Variants in USP32 observed in about 807,000 individuals in gnomAD.
USP32 encodes the protein ubiquitin specific peptidase 32.
A neutral mutation model predicts 204.8 loss-of-function variants in USP32; 59 were observed. That is an observed-to-expected ratio of 0.29 (90% CI 0.23 to 0.36). The LOEUF is 0.36. Among genes scored for constraint, USP32 ranks in the 10% least tolerant of loss-of-function variants. USP32 has a pLI of 1.00. For synonymous variants in USP32, 517 were observed against 678.4 expected (o/e 0.76, Z 3.70); for missense variants, 1,160 against 1,946.4 (o/e 0.60, Z 7.60).
intron 1 of USP32, among the ~76,000 whole-genome samples, chr17:60,351,375 T>G (rs2088942413): frequency 1.3e-5 from 2 of 152,088 alleles, no homozygotes. Context: ...CTAGCTATTT[T>G]TAATTTGTAC....
chr17:60,223,121 A>G (rs987411783), intron 14 of USP32, among the ~76,000 whole-genome samples: 2 of 152,226 alleles, frequency 1.3e-5, no homozygotes, highest in Non-Finnish European at 2.9e-5. Flanking sequence ...CAAACAATAA[A>G]AAATACTAGT....
intron 7 of USP32, among the ~76,000 whole-genome samples, chr17:60,266,329 T>A (rs1258108092): frequency 1.3e-5 from 2 of 152,184 alleles, no homozygotes; most frequent in Non-Finnish European, 2.9e-5. Context: ...GACCCTACCC[T>A]TCAGCCAAAT....
chr17:60,354,344 A>G (rs1446926504), intron 1 of USP32, among the ~76,000 whole-genome samples: 1 of 152,164 alleles, frequency 6.6e-6, no homozygotes, highest in Non-Finnish European at 1.5e-5. Context: ...CTGTTATAGG[A>G]TAGGAGTTTC....
In USP32 at chr17:60,235,405, A is replaced by T. The variant is rs1026527510; in HGVS notation, c.1239+733T>A. 2.6e-5 allele frequency among the ~76,000 whole-genome samples: 4 copies of T among 152,340 alleles called. No individual in the cohort carries two copies. In the South Asian group the frequency reaches 8.3e-4, roughly 32 times the overall value. On this transcript the variant is annotated intron_variant, in intron 12 of 33. Coordinates refer to ENST00000300896, the MANE Select transcript of USP32 (RefSeq NM_032582.4). The stretch of plus-strand genomic sequence containing the variant: ...ATTAATATATTTTACATGTGAAAAC[A>T]CATTAATAAACTCTGCAAAATGGAA...
At chr17:60,348,047 G>A (rs867925043) in intron 1 of USP32, among the ~76,000 whole-genome samples, 1 of 151,764 alleles carries the variant, frequency 6.6e-6, no homozygotes, top group Non-Finnish European at 1.5e-5. Flanking sequence ...GCGTGAACTC[G>A]GGAGGCGGAG....
At chr17:60,187,846 C>T (rs568931192) in intron 29 of USP32, among the ~76,000 whole-genome samples, 3 of 152,112 alleles carry the variant, frequency 2.0e-5, no homozygotes, top group Non-Finnish European at 4.4e-5. Flanking sequence ...TATAGGCACC[C>T]TCTTCTTTTT....
chr17:60,396,069 CTTTTTTTT>C (rs936063243), upstream of USP32, among the ~76,000 whole-genome samples: 4 of 74,922 alleles, frequency 5.3e-5, no homozygotes, highest in East Asian at 3.9e-4. Flanking sequence ...GCACTTGAAG[CTTTTTTTT>C]TTTTTTTTTT....
intron 9 of USP32, among the ~76,000 whole-genome samples, chr17:60,261,150 T>A (rs1399785538): frequency 6.6e-6 from 1 of 152,212 alleles, no homozygotes; most frequent in Non-Finnish European, 1.5e-5. Flanking sequence ...TACTTGTTTA[T>A]CTTTGAAGTA....
At chr17:60,392,746 C>T (rs918441196), upstream of USP32, 13 of 361,216 alleles carry the variant, frequency 3.6e-5, no homozygotes, top group South Asian at 2.5e-4. Flanking sequence ...AATGCTCACA[C>T]CTAGCGGGAG....
chr17:60,231,531 G>A (rs754200698), intron 12 of USP32: 2 of 513,678 alleles, frequency 3.9e-6, no homozygotes, highest in East Asian at 5.5e-5. Context: ...TCTGAGGCAG[G>A]AAAACAAGGC....
intron 24 of USP32, chr17:60,207,822 A>G (rs1235485755): frequency 6.0e-6 from 3 of 496,468 alleles, no homozygotes; most frequent in African/African-American, 4.2e-5. Context: ...CCATATAGGC[A>G]GCCTTACGTA....
intron 2 of USP32, among the ~76,000 whole-genome samples, chr17:60,343,155 G>A (rs555088639): frequency 6.6e-5 from 10 of 152,078 alleles, no homozygotes; most frequent in African/African-American, 2.4e-4. Flanking sequence ...CATAAAGCAG[G>A]TCCTTAGAGA....
chr17:60,364,332 C>A (rs966405597), intron 1 of USP32, among the ~76,000 whole-genome samples: 1 of 152,192 alleles, frequency 6.6e-6, no homozygotes, highest in Non-Finnish European at 1.5e-5. Context: ...GGAACAAACA[C>A]TCAGATCACA....
At chr17:60,228,697 C>T (rs1206237900) in intron 12 of USP32, among the ~76,000 whole-genome samples, 3 of 151,634 alleles carry the variant, frequency 2.0e-5, no homozygotes, top group Admixed American at 6.6e-5. Context: ...GTGGTGTGCA[C>T]CTTTAGTCCC....
At chr17:60,267,359 G>A (rs759631118) in intron 7 of USP32, among the ~76,000 whole-genome samples, 3 of 151,930 alleles carry the variant, frequency 2.0e-5, no homozygotes, top group Non-Finnish European at 4.4e-5. Context: ...ATCCAAGATC[G>A]TGCCCCTGCA....
At chr17:60,248,607 T>C (rs891479061) in intron 11 of USP32, among the ~76,000 whole-genome samples, 1 of 152,214 alleles carries the variant, frequency 6.6e-6, no homozygotes, top group Non-Finnish European at 1.5e-5. Context: ...TGCTGAATAT[T>C]TCTCTGTCAA....
At chr17:60,277,542 G>C (rs552113930) in intron 5 of USP32, among the ~76,000 whole-genome samples, 19 of 152,134 alleles carry the variant, frequency 1.2e-4, no homozygotes, top group Non-Finnish European at 7.4e-5. Context: ...TTGACAGAAG[G>C]CTTTAACATT....
At chr17:60,345,423 T>C in intron 2 of USP32, 58 bp downstream of exon 2, 1 of 1,593,100 alleles carries the variant, frequency 6.3e-7, no homozygotes, top group Non-Finnish European at 8.5e-7. Context: ...CCCTCAGGAA[T>C]TTAGGCTGGT....
intron 9 of USP32, among the ~76,000 whole-genome samples, chr17:60,257,369 A>G (rs1287140330): frequency 6.6e-6 from 1 of 152,200 alleles, no homozygotes; most frequent in Non-Finnish European, 1.5e-5. Flanking sequence ...ACACAGTGGG[A>G]ATTAGCAAGC....
Sources: gnomAD v4.1 joint callset for allele counts (sites outside exome capture counted in the v4.1 genomes callset) on GRCh38, gnomAD v4.1.1 for gene constraint, MANE v1.5 for transcripts, NCBI Gene and HGNC (gene_info 2026-07-23, HGNC 2026-07-21) for gene names.